The following CD86 variants were observed in gnomAD, a reference collection of about 807,000 sequenced individuals.
The protein encoded by CD86 is T-lymphocyte activation antigen CD86.
Under a neutral mutation model 32.1 loss-of-function variants are expected in CD86, and 11 were observed. The observed-to-expected ratio is 0.34, with a 90% confidence interval of 0.22 to 0.57. The LOEUF is 0.57. Among genes scored for constraint, CD86 ranks in the 20% least tolerant of loss-of-function variants. The probability of loss-of-function intolerance (pLI) is 0.86; values close to 1 mark genes in which losing one functional copy is unlikely to be tolerated. For synonymous variants in CD86, 137 were observed against 135.3 expected, an observed-to-expected ratio of 1.01 and a Z score of -0.09; for missense variants, 359 against 398.4, an observed-to-expected ratio of 0.90 and a Z score of 0.84.
chr3:122,085,623 T>C (rs1249980775), intron 1 of CD86, among the ~76,000 whole-genome samples: 35 of 152,142 alleles, frequency 2.3e-4, no homozygotes, highest in Non-Finnish European at 4.4e-5. Context: ...GGTATCTTTG[T>C]GTCTGAGGTC....
chr3:122,113,744 C>T (rs1400073681), intron 5 of CD86, among the ~76,000 whole-genome samples: 2 of 152,138 alleles, frequency 1.3e-5, no homozygotes, highest in African/African-American at 2.4e-5. Flanking sequence ...TATAAAGCAT[C>T]TGGGAACTCA....
At chr3:122,112,775 T>G (rs143990661) in intron 5 of CD86, among the ~76,000 whole-genome samples, 1 of 152,322 alleles carries the variant, frequency 6.6e-6, no homozygotes, top group East Asian at 1.9e-4. Context: ...TTTGTGTTAA[T>G]CTGAAGACAT....
At chr3:122,058,036 G>C (rs1360013404) in intron 1 of CD86, among the ~76,000 whole-genome samples, 3 of 152,196 alleles carry the variant, frequency 2.0e-5, no homozygotes. Flanking sequence ...TGTAAAATGG[G>C]AGTATGGTAA....
intron 2 of CD86, among the ~76,000 whole-genome samples, chr3:122,101,422 G>A (rs1387899260): frequency 6.7e-6 from 1 of 150,166 alleles, no homozygotes; most frequent in East Asian, 2.0e-4. Context: ...AGGGGCCTGG[G>A]TCAGCGGAGT....
At chr3:122,081,592 A>C (rs1178196069) in intron 1 of CD86, among the ~76,000 whole-genome samples, 1 of 152,240 alleles carries the variant, frequency 6.6e-6, no homozygotes, top group Admixed American at 6.5e-5. Context: ...GAAATTAACC[A>C]TTGTTATTGT....
chr3:122,069,540 G>T (rs964850004), intron 1 of CD86, among the ~76,000 whole-genome samples: 3 of 152,138 alleles, frequency 2.0e-5, no homozygotes, highest in African/African-American at 7.2e-5. Flanking sequence ...GGAAGGAGGG[G>T]TGCTCTGGAT....
intron 1 of CD86, among the ~76,000 whole-genome samples, chr3:122,073,563 T>G (rs1009124173): frequency 6.6e-6 from 1 of 152,096 alleles, no homozygotes; most frequent in East Asian, 1.9e-4. Context: ...AAATAAAAAT[T>G]TATTGCAAAT....
At chr3:122,062,059 A>G (rs149109979) in intron 1 of CD86, among the ~76,000 whole-genome samples, 2 of 152,042 alleles carry the variant, frequency 1.3e-5, no homozygotes, top group Non-Finnish European at 2.9e-5. Flanking sequence ...TTGAATCAAT[A>G]ATTATTTAAA....
intron 1 of CD86, chr3:122,086,651 A>G (rs2072726591): frequency 8.7e-6 from 4 of 462,286 alleles, no homozygotes; most frequent in Non-Finnish European, 1.7e-5. Context: ...TACCTGGCAC[A>G]CAGTGGGTAT....
At chr3:122,079,047 T>C (rs1356021219) in intron 1 of CD86, among the ~76,000 whole-genome samples, 2 of 152,214 alleles carry the variant, frequency 1.3e-5, no homozygotes, top group East Asian at 1.9e-4. Flanking sequence ...ATGTTCCAGG[T>C]ACTAGGGACT....
chr3:122,074,814 C>T (rs1308111263), intron 1 of CD86, among the ~76,000 whole-genome samples: 6 of 152,086 alleles, frequency 3.9e-5, no homozygotes, highest in East Asian at 1.9e-4. Context: ...GTCCTGAGAG[C>T]GTTGGAGAAT....
chr3:122,092,645 G>C (rs368965977), intron 2 of CD86, among the ~76,000 whole-genome samples: 2 of 152,106 alleles, frequency 1.3e-5, no homozygotes, highest in African/African-American at 4.8e-5. Flanking sequence ...TCAGTGTCTC[G>C]TAGTTACTCC....
At chr3:122,109,195 G>A in intron 4 of CD86, 70 bp from the exon 5 acceptor site, 3 of 1,507,562 alleles carry the variant, frequency 2.0e-6, no homozygotes, top group Non-Finnish European at 2.7e-6. Flanking sequence ...TAAATAAAGA[G>A]AAGAGCAGCT....
At chr3:122,071,501 A>G (rs1335382552) in intron 1 of CD86, among the ~76,000 whole-genome samples, 2 of 152,154 alleles carry the variant, frequency 1.3e-5, no homozygotes, top group African/African-American at 4.8e-5. Flanking sequence ...CATTGTCTGG[A>G]TATACCACAG....
intron 1 of CD86, among the ~76,000 whole-genome samples, chr3:122,081,133 G>A (rs1332935708): frequency 6.6e-6 from 1 of 152,060 alleles, no homozygotes; most frequent in South Asian, 2.1e-4. Flanking sequence ...GACTTTCCAT[G>A]CCCTATTAGG....
intron 1 of CD86, among the ~76,000 whole-genome samples, chr3:122,057,593 A>C (rs752394373): frequency 1.2e-4 from 19 of 152,238 alleles, no homozygotes; most frequent in Non-Finnish European, 2.5e-4. Context: ...AGGCAGAAAA[A>C]TAAAGTTAAA....
chr3:122,089,956 TA>T (rs948761025), intron 1 of CD86, among the ~76,000 whole-genome samples: 16 of 152,262 alleles, frequency 1.1e-4, no homozygotes, highest in African/African-American at 3.4e-4. Context: ...TGCTTAAAAA[TA>T]AAAAGAAAAC....
At chr3:122,090,211 A>G (rs185719674) in intron 1 of CD86, among the ~76,000 whole-genome samples, 43 of 152,336 alleles carry the variant, frequency 2.8e-4, no homozygotes, top group African/African-American at 9.6e-4. Context: ...AAGAAAAGGT[A>G]TAGTCTAGAA....
At chr3:122,106,115 A>T in intron 3 of CD86, 83 bp from the exon 4 acceptor site, 1 of 1,099,508 alleles carries the variant, frequency 9.1e-7, no homozygotes, top group Non-Finnish European at 1.3e-6. Context: ...TGAGCCCCAG[A>T]TCAAGTACCC....
Sources: allele counts gnomAD v4.1 joint callset (sites outside exome capture counted in the v4.1 genomes callset), GRCh38; gene constraint gnomAD v4.1.1; transcripts MANE v1.5; gene names NCBI Gene and HGNC (gene_info 2026-07-23, HGNC 2026-07-21).